Variants in SPON1 observed in about 807,000 individuals in gnomAD.
SPON1 encodes spondin-1.
In SPON1, 52 loss-of-function variants were observed where a neutral mutation model predicts 111.7. The ratio of observed to expected loss-of-function variants is 0.47; its 90% CI spans 0.37 to 0.59. The LOEUF is 0.59. Among genes scored for constraint, SPON1 ranks in the 20% least tolerant of loss-of-function variants. The probability of loss-of-function intolerance (pLI) is 0.00; values close to 1 mark genes in which losing one functional copy is unlikely to be tolerated. For missense variants in SPON1, 957 were observed against 1,068.5 expected (o/e 0.90, Z 1.46); for synonymous variants, 410 against 395.8 (o/e 1.04, Z -0.43).
At chr11:13,999,405 T>C (rs2133791726) in intron 2 of SPON1, among the ~76,000 whole-genome samples, 1 of 151,882 alleles carries the variant, frequency 6.6e-6, no homozygotes, top group South Asian at 2.1e-4. Flanking sequence ...TTGATACACA[T>C]TGCTGTATCA....
chr11:14,121,128 A>G (rs1849301613), intron 5 of SPON1, among the ~76,000 whole-genome samples: 1 of 152,208 alleles, frequency 6.6e-6, no homozygotes. Context: ...AACTATAGGG[A>G]CAGAAAACAA....
chr11:13,969,982 A>G (rs1554908413), intron 1 of SPON1, among the ~76,000 whole-genome samples: 1 of 152,256 alleles, frequency 6.6e-6, no homozygotes, highest in Non-Finnish European at 1.5e-5. Flanking sequence ...TCACTCAGGC[A>G]CATGCATGCA....
intron 3 of SPON1, among the ~76,000 whole-genome samples, chr11:14,048,792 AC>A (rs1848687786): frequency 6.6e-6 from 1 of 152,214 alleles, no homozygotes; most frequent in Non-Finnish European, 1.5e-5. Flanking sequence ...CTTCAGTCTG[AC>A]AAAAGTTTTA....
intron 6 of SPON1, among the ~76,000 whole-genome samples, chr11:14,205,050 G>C (rs782133737): frequency 6.6e-6 from 1 of 152,156 alleles, no homozygotes; most frequent in Non-Finnish European, 1.5e-5. Flanking sequence ...AGATAATCCA[G>C]TCATGTCCAG....
At chr11:14,084,851 T>A (rs1213317762) in intron 5 of SPON1, among the ~76,000 whole-genome samples, 8 of 152,236 alleles carry the variant, frequency 5.3e-5, no homozygotes, top group African/African-American at 1.9e-4. Context: ...CTAACTGGCA[T>A]GAGATGGTAT....
intron 6 of SPON1, among the ~76,000 whole-genome samples, chr11:14,215,271 A>G (rs1471021725): frequency 6.6e-6 from 1 of 152,190 alleles, no homozygotes; most frequent in African/African-American, 2.4e-5. Context: ...CCACAAGATC[A>G]GTATTAGCAT....
intron 6 of SPON1, among the ~76,000 whole-genome samples, chr11:14,150,424 C>T (rs1458825131): frequency 6.6e-6 from 1 of 151,720 alleles, no homozygotes; most frequent in South Asian, 2.1e-4. Flanking sequence ...CAACAATCTA[C>T]AGTATGTTTT....
chr11:14,157,985 T>G (rs955727170), intron 6 of SPON1, among the ~76,000 whole-genome samples: 2 of 152,140 alleles, frequency 1.3e-5, no homozygotes, highest in Non-Finnish European at 2.9e-5. Context: ...GTAGGTCTAT[T>G]TCTATTATTT....
rs1349195499 is a variant in SPON1, at chr11:14,032,432, TG to T, written c.346-9087del. 2.0e-5 allele frequency among the ~76,000 whole-genome samples: 3 copies of T among 152,330 alleles called. No homozygotes were observed. In the East Asian group the frequency reaches 5.8e-4, roughly 29 times the overall value. On this transcript the variant is annotated intron_variant, in intron 2 of 15. Transcript: ENST00000576479. ...TCTTCCTCCCATGTTAGCCAGCCTG[TG>T]GTGTTAATGCTTCCCTCTGGGGATG...
At chr11:14,194,255 A>T (rs868987570) in intron 6 of SPON1, among the ~76,000 whole-genome samples, 4 of 152,284 alleles carry the variant, frequency 2.6e-5, no homozygotes, top group Middle Eastern at 6.8e-3. Flanking sequence ...ACTTGACAAA[A>T]GCTCTAGATT....
intron 1 of SPON1, among the ~76,000 whole-genome samples, chr11:13,980,330 C>T (rs564105560): frequency 3.9e-5 from 6 of 152,178 alleles, no homozygotes; most frequent in African/African-American, 1.2e-4. Flanking sequence ...CATGAGCTGC[C>T]GCGCCTAGCC....
At chr11:14,106,925 G>T (rs1303251096) in intron 5 of SPON1, among the ~76,000 whole-genome samples, 2 of 152,272 alleles carry the variant, frequency 1.3e-5, no homozygotes, top group African/African-American at 2.4e-5. Flanking sequence ...GAAGGAAAAA[G>T]TGTGTGCTGC....
intron 1 of SPON1, among the ~76,000 whole-genome samples, chr11:13,968,683 G>A (rs1039147799): frequency 2.6e-5 from 4 of 152,142 alleles, no homozygotes; most frequent in Non-Finnish European, 5.9e-5. Context: ...CACCGTTACA[G>A]CCGAGGAGAA....
intron 2 of SPON1, among the ~76,000 whole-genome samples, chr11:14,031,097 A>G (rs937553171): frequency 6.6e-6 from 1 of 152,242 alleles, no homozygotes. Flanking sequence ...AAATTAACTC[A>G]GGAACAGAAA....
intron 15 of SPON1, among the ~76,000 whole-genome samples, chr11:14,264,820 G>T (rs1419711524): frequency 2.0e-5 from 3 of 152,220 alleles, no homozygotes; most frequent in African/African-American, 7.2e-5. Context: ...GGTCAGGGAA[G>T]TTTTCTTGGA....
chr11:13,991,403 G>A (rs140058127), intron 2 of SPON1, among the ~76,000 whole-genome samples: 6 of 152,148 alleles, frequency 3.9e-5, no homozygotes, highest in African/African-American at 1.2e-4. Context: ...GGAAGTTCTC[G>A]TACTGTATTT....
chr11:13,983,295 C>T (rs1379201121), intron 2 of SPON1, among the ~76,000 whole-genome samples: 1 of 152,202 alleles, frequency 6.6e-6, no homozygotes, highest in African/African-American at 2.4e-5. Context: ...CTGGTTAATT[C>T]TCAAATGTAA....
At chr11:14,003,887 A>G (rs1189952745) in intron 2 of SPON1, among the ~76,000 whole-genome samples, 2 of 152,184 alleles carry the variant, frequency 1.3e-5, no homozygotes, top group East Asian at 3.9e-4. Context: ...TGTTCATCCT[A>G]TATAACTGTT....
Position 14,152,579 on chromosome 11 carries a change from G to A in SPON1, c.825+17011G>A, listed in dbSNP as rs1015124014. On this transcript the variant is annotated intron_variant, in intron 6 of 15. Transcript: ENST00000576479. ...CATGGAAACACATCTGATTCTTACT[G>A]GGAATTTCTTGATAGGGAATACAGA... Among the ~76,000 whole-genome samples the A allele has an allele frequency of 9.2e-5, 14 of 152,164 alleles. 1 individual carries two copies. Among genetic ancestry groups the A allele is most frequent in the Admixed American group, 8.5e-4 (13 of 15,266 alleles).
Sources: allele counts gnomAD v4.1 joint callset (sites outside exome capture counted in the v4.1 genomes callset), GRCh38; gene constraint gnomAD v4.1.1; transcripts MANE v1.5; gene names NCBI Gene and HGNC (gene_info 2026-07-23, HGNC 2026-07-21).